The following RNF220 variants were observed in gnomAD, a reference collection of about 807,000 sequenced individuals.
RNF220 encodes ring finger protein 220.
A neutral mutation model predicts 67.1 loss-of-function variants in RNF220; 7 were observed. The ratio of observed to expected loss-of-function variants is 0.10; its 90% CI spans 0.06 to 0.20. The LOEUF (loss-of-function observed/expected upper bound fraction) is 0.20. RNF220 is among the 10% of genes least tolerant of loss of function. The pLI, the probability that RNF220 is intolerant of heterozygous loss-of-function variation, is 1.00. For missense variants in RNF220, 565 were observed against 740.3 expected, an observed-to-expected ratio of 0.76 and a Z score of 2.75; for synonymous variants, 270 against 283.2, an observed-to-expected ratio of 0.95 and a Z score of 0.47.
At chr1:44,537,170 T>A (rs1421859990) in intron 2 of RNF220, among the ~76,000 whole-genome samples, 1 of 151,616 alleles carries the variant, frequency 6.6e-6, no homozygotes, top group Non-Finnish European at 1.5e-5. Flanking sequence ...ACCCCCTGCA[T>A]ACACACACAC....
intron 2 of RNF220, among the ~76,000 whole-genome samples, chr1:44,413,845 G>A (rs1254118177): frequency 6.6e-6 from 1 of 150,706 alleles, no homozygotes; most frequent in Non-Finnish European, 1.5e-5. Context: ...AGACATTGCA[G>A]CTCTCTCCCC....
rs1023200844 is a variant in RNF220, at chr1:44,649,336, G to T, written c.1446-325G>T. 1 of 383,656 alleles carries T rather than the reference G, an allele frequency of 2.6e-6. No individual in the cohort carries two copies. The highest frequency in any genetic ancestry group is 4.8e-6 in the Non-Finnish European group (1 of 207,544). The allele number at this position is 383,656 out of a possible 1,614,324, so 23.8% of individuals were successfully genotyped here. ...TTGGTGGAAGACATCTGAGAGCCTG[G>T]ACTCATGGTGGTGAGGAGAGATGCC... On this transcript the variant is annotated intron_variant, in intron 12 of 14. Coordinates refer to ENST00000361799, the MANE Select transcript of RNF220 (RefSeq NM_018150.4). The surrounding 1 kb of genome is among the most constrained non-coding windows in gnomAD (Gnocchi z 5.9).
At chr1:44,588,122 C>T (rs1343652426) in intron 2 of RNF220, among the ~76,000 whole-genome samples, 2 of 152,192 alleles carry the variant, frequency 1.3e-5, no homozygotes, top group Admixed American at 6.5e-5. Flanking sequence ...AGCAATCAGG[C>T]AGGGCTGGGT....
At chr1:44,463,684 A>G (rs1183232751) in intron 2 of RNF220, among the ~76,000 whole-genome samples, 2 of 152,150 alleles carry the variant, frequency 1.3e-5, no homozygotes, top group Non-Finnish European at 1.5e-5. Flanking sequence ...ACTATAGACA[A>G]TTGGTGTATA....
chr1:44,545,167 T>A (rs1662022892), intron 2 of RNF220, among the ~76,000 whole-genome samples: 1 of 152,158 alleles, frequency 6.6e-6, no homozygotes, highest in African/African-American at 2.4e-5. Flanking sequence ...TCCTGTTGGA[T>A]TCAAATCAGG....
chr1:44,558,043 T>C (rs1298190022), intron 2 of RNF220, among the ~76,000 whole-genome samples: 1 of 152,196 alleles, frequency 6.6e-6, no homozygotes, highest in Non-Finnish European at 1.5e-5. Context: ...TATTCACAGT[T>C]CTCTTAGCCT....
intron 2 of RNF220, among the ~76,000 whole-genome samples, chr1:44,556,217 T>C (rs1459826007): frequency 1.3e-5 from 2 of 150,180 alleles, no homozygotes; most frequent in African/African-American, 5.0e-5. Flanking sequence ...GTTTTTTCAG[T>C]AGAGACAGGT....
chr1:44,502,115 G>A (rs1323056586), intron 2 of RNF220, among the ~76,000 whole-genome samples: 1 of 134,980 alleles, frequency 7.4e-6, no homozygotes, highest in Admixed American at 7.5e-5. Flanking sequence ...TAAGGCTCCT[G>A]GCTGCAGTAT....
At chr1:44,484,350 T>C (rs1320289396) in intron 2 of RNF220, among the ~76,000 whole-genome samples, 1 of 152,070 alleles carries the variant, frequency 6.6e-6, no homozygotes, top group Non-Finnish European at 1.5e-5. Context: ...GGAATTCCTA[T>C]CTAACTGCGA....
At chr1:44,537,413 T>C (rs1661319728) in intron 2 of RNF220, among the ~76,000 whole-genome samples, 1 of 152,132 alleles carries the variant, frequency 6.6e-6, no homozygotes, top group African/African-American at 2.4e-5. Flanking sequence ...TTTCAGAATG[T>C]ATTGAAAGCC....
At chr1:44,451,574 CA>C (rs1210731509) in intron 2 of RNF220, among the ~76,000 whole-genome samples, 3 of 151,960 alleles carry the variant, frequency 2.0e-5, no homozygotes, top group Non-Finnish European at 4.4e-5. Flanking sequence ...TCTTTATTTA[CA>C]TTGTCTTAAA....
At chr1:44,572,293 C>G (rs1409415582) in intron 2 of RNF220, among the ~76,000 whole-genome samples, 2 of 152,242 alleles carry the variant, frequency 1.3e-5, no homozygotes, top group Non-Finnish European at 2.9e-5. Flanking sequence ...TTTATAGCCT[C>G]TGTGTCCTCA....
intron 2 of RNF220, among the ~76,000 whole-genome samples, chr1:44,462,255 A>G (rs1373031140): frequency 1.3e-5 from 2 of 152,024 alleles, no homozygotes; most frequent in Non-Finnish European, 2.9e-5. Flanking sequence ...TTTAATGGGA[A>G]TCACATGAAA....
At chr1:44,555,148 G>A (rs1004403391) in intron 2 of RNF220, among the ~76,000 whole-genome samples, 2 of 151,206 alleles carry the variant, frequency 1.3e-5, no homozygotes, top group Admixed American at 1.3e-4. Flanking sequence ...GCTCACTGCA[G>A]CCTCCACCTC....
At chr1:44,476,283 A>G (rs1016106306) in intron 2 of RNF220, among the ~76,000 whole-genome samples, 1 of 152,300 alleles carries the variant, frequency 6.6e-6, no homozygotes, top group East Asian at 1.9e-4. Flanking sequence ...CTTAAGTGGG[A>G]TGGTGGTTCA....
intron 2 of RNF220, among the ~76,000 whole-genome samples, chr1:44,591,062 A>T (rs574457069): frequency 1.3e-5 from 2 of 152,250 alleles, no homozygotes; most frequent in African/African-American, 4.8e-5. Flanking sequence ...CCTAGGTTCA[A>T]GCGATTCTCC....
At position 44,417,568 on chromosome 1, in the gene RNF220, T is replaced by C. The variant is rs536570222; in HGVS notation, c.625+4846T>C. Among the ~76,000 whole-genome samples the C allele has an allele frequency of 1.3e-5, 2 of 152,230 alleles. No individual in the cohort carries two copies. Among genetic ancestry groups the C allele is most frequent in the African/African-American group, 4.8e-5 (2 of 41,542 alleles). On this transcript the variant is annotated intron_variant, in intron 2 of 14. Coordinates refer to ENST00000361799, the MANE Select transcript of RNF220 (RefSeq NM_018150.4). This position sits in a 1 kb window ranked among gnomAD's most constrained non-coding sequence, Gnocchi z 4.0. ...CGCTCTGTGCGGCGGCTGCCTCCTC[T>C]TACGGCCGGAATGCCTAATCACCAT...
At chr1:44,481,613 A>G (rs900888945) in intron 2 of RNF220, among the ~76,000 whole-genome samples, 1 of 152,160 alleles carries the variant, frequency 6.6e-6, no homozygotes, top group African/African-American at 2.4e-5. Context: ...ACATACACCT[A>G]TGGAACAAAC....
chr1:44,489,774 C>T (rs1006593273), intron 2 of RNF220, among the ~76,000 whole-genome samples: 4 of 152,196 alleles, frequency 2.6e-5, no homozygotes, highest in African/African-American at 7.2e-5. Context: ...TTCATGACCC[C>T]GCAGTTGAAT....
Sources: allele counts gnomAD v4.1 joint callset (sites outside exome capture counted in the v4.1 genomes callset), GRCh38; gene constraint gnomAD v4.1.1; non-coding constraint Gnocchi (gnomAD v3.1); transcripts MANE v1.5; gene names NCBI Gene and HGNC (gene_info 2026-07-23, HGNC 2026-07-21).